The following REPS1 variants were observed in gnomAD, a reference collection of about 807,000 sequenced individuals.
REPS1 encodes ralBP1-associated Eps domain-containing protein 1.
REPS1 carries 39 observed loss-of-function variants against 100.9 expected under a neutral mutation model. That is an observed-to-expected ratio of 0.39 (90% CI 0.30 to 0.50). REPS1 has a LOEUF of 0.50. REPS1 is among the 20% of genes least tolerant of loss of function. The probability of loss-of-function intolerance (pLI) is 0.86; values close to 1 mark genes in which losing one functional copy is unlikely to be tolerated. For synonymous variants in REPS1, 324 were observed against 340.3 expected, an observed-to-expected ratio of 0.95 and a Z score of 0.53; for missense variants, 821 against 968.5, an observed-to-expected ratio of 0.85 and a Z score of 2.02.
At chr6:138,966,730 T>C (rs1274261103) in intron 1 of REPS1, among the ~76,000 whole-genome samples, 1 of 152,214 alleles carries the variant, frequency 6.6e-6, no homozygotes, top group Non-Finnish European at 1.5e-5. Context: ...AGTTTTTGGT[T>C]GGAAGGCCGC....
chr6:138,983,421 C>A (rs1001966408), intron 1 of REPS1, among the ~76,000 whole-genome samples: 5 of 152,074 alleles, frequency 3.3e-5, no homozygotes, highest in African/African-American at 1.2e-4. Flanking sequence ...CACCACTGCA[C>A]TCCAGCCTGG....
chr6:138,961,605 C>T (rs960462687), intron 1 of REPS1, among the ~76,000 whole-genome samples: 24 of 152,180 alleles, frequency 1.6e-4, no homozygotes, highest in African/African-American at 5.8e-4. Flanking sequence ...TGCTAAGAAA[C>T]CGAAAGTTTT....
intron 1 of REPS1, among the ~76,000 whole-genome samples, chr6:138,970,417 G>A (rs563511311): frequency 2.0e-5 from 3 of 149,046 alleles, no homozygotes; most frequent in African/African-American, 7.5e-5. Context: ...AAGGTCACTG[G>A]ATTTGGTGAT....
intron 8 of REPS1, among the ~76,000 whole-genome samples, chr6:138,937,573 G>A (rs1003967536): frequency 5.9e-5 from 9 of 152,226 alleles, no homozygotes; most frequent in African/African-American, 1.4e-4. Context: ...TCCATGCAAC[G>A]CACCCTAACA....
intron 8 of REPS1, among the ~76,000 whole-genome samples, chr6:138,940,634 A>T (rs777698248): frequency 6.6e-6 from 1 of 151,904 alleles, no homozygotes; most frequent in Non-Finnish European, 1.5e-5. Flanking sequence ...AGTCCCATCT[A>T]CTTAAGGAGG....
Position 138,945,358 on chromosome 6 carries a change from T to C in REPS1, c.489A>G (p.Pro163=), listed in dbSNP as rs755493147. 4 of 1,607,568 alleles carry C rather than the reference T, an allele frequency of 2.5e-6. No homozygotes were observed. Among genetic ancestry groups the C allele is most frequent in the East Asian group, 2.2e-5 (1 of 44,700 alleles). The change falls in exon 4 of 20, where the codon CCA becomes CCG. Residue 163 remains proline (P), a synonymous_variant. Coordinates refer to ENST00000450536, the MANE Select transcript of REPS1 (RefSeq NM_001286611.2). ...GTGGGGATTGCTGTGGTGAAACTAC[T>C]GGGGATGCAGGTTCCTAGAAAAGAA... ...TSADAQEPAS[P]VVSPQQSPPT...
intron 8 of REPS1, chr6:138,934,156 T>G (rs1781655354): frequency 3.5e-6 from 1 of 281,698 alleles, no homozygotes; most frequent in Non-Finnish European, 7.5e-6. Context: ...AAGAGCTTCC[T>G]GCCCACCCAC....
chr6:138,931,616 C>T (rs1562528920), intron 8 of REPS1, among the ~76,000 whole-genome samples: 1 of 152,092 alleles, frequency 6.6e-6, no homozygotes, highest in African/African-American at 2.4e-5. Context: ...CCTATATCTT[C>T]TCAATAGAAG....
intron 1 of REPS1, among the ~76,000 whole-genome samples, chr6:138,965,720 G>A (rs10499207): frequency 0.088 from 13,365 of 152,108 alleles, 1,231 homozygotes; most frequent in African/African-American, 0.23. Context: ...CCAATAAAGT[G>A]TGTAAGGTGA....
chr6:138,927,372 T>C (rs1389064891), intron 9 of REPS1: 1 of 152,198 alleles, frequency 6.6e-6, no homozygotes, highest in African/African-American at 2.4e-5. Flanking sequence ...TTGGAGATCT[T>C]AGTAATAAAA....
chr6:138,944,302 G>C (rs376827917), intron 5 of REPS1, among the ~76,000 whole-genome samples, 196 bp downstream of exon 5: 1 of 152,124 alleles, frequency 6.6e-6, no homozygotes. Context: ...CTTCACTAGG[G>C]AATCAGAAAC....
At chr6:138,949,727 T>A (rs1205247635) in intron 1 of REPS1, among the ~76,000 whole-genome samples, 1 of 149,086 alleles carries the variant, frequency 6.7e-6, no homozygotes, top group Non-Finnish European at 1.5e-5. Flanking sequence ...CTCCATCTCA[T>A]AAAAAAAAAA....
chr6:138,958,082 CAG>C (rs1017686578), intron 1 of REPS1, among the ~76,000 whole-genome samples: 33 of 152,102 alleles, frequency 2.2e-4, no homozygotes, highest in Admixed American at 3.9e-4. Context: ...TCAAAGGTAA[CAG>C]AGAACCTGAC....
intron 10 of REPS1, among the ~76,000 whole-genome samples, chr6:138,925,235 C>T (rs1034433130): frequency 3.3e-5 from 5 of 151,654 alleles, no homozygotes; most frequent in South Asian, 2.1e-4. Context: ...GGCATGGTGG[C>T]GGACACCTGT....
intron 1 of REPS1, among the ~76,000 whole-genome samples, chr6:138,953,375 C>A (rs756744226): frequency 7.9e-5 from 12 of 151,804 alleles, no homozygotes; most frequent in Non-Finnish European, 1.6e-4. Flanking sequence ...TTCTGCACAG[C>A]AAAGAAAGCA....
intron 8 of REPS1, among the ~76,000 whole-genome samples, chr6:138,935,744 C>G (rs1222266036): frequency 6.6e-6 from 1 of 150,712 alleles, no homozygotes; most frequent in Non-Finnish European, 1.5e-5. Flanking sequence ...ATCCCAGCTA[C>G]TCGGGAGGCT....
intron 6 of REPS1, 40 bp from the exon 7 acceptor site, chr6:138,943,616 C>T: frequency 7.1e-7 from 1 of 1,412,508 alleles, no homozygotes; most frequent in Non-Finnish European, 9.9e-7. Context: ...TTATTCTGAA[C>T]TTACGGATCC....
chr6:138,956,508 A>G (rs1373264648), intron 1 of REPS1, among the ~76,000 whole-genome samples: 1 of 151,912 alleles, frequency 6.6e-6, no homozygotes, highest in East Asian at 1.9e-4. Flanking sequence ...TACCTAAAAG[A>G]ATGAAACGTT....
chr6:138,979,529 T>A (rs555847006), intron 1 of REPS1, among the ~76,000 whole-genome samples: 3 of 152,308 alleles, frequency 2.0e-5, no homozygotes, highest in Non-Finnish European at 1.5e-5. Flanking sequence ...CACTAGTCCA[T>A]GAAACTGGCT....
Sources: allele counts gnomAD v4.1 joint callset (sites outside exome capture counted in the v4.1 genomes callset), GRCh38; gene constraint gnomAD v4.1.1; transcripts MANE v1.5; gene names NCBI Gene and HGNC (gene_info 2026-07-23, HGNC 2026-07-21).